The following RAP1A variants were observed in gnomAD, a reference collection of about 807,000 sequenced individuals.
The protein encoded by RAP1A is RAP1A, member of RAS oncogene family.
A neutral mutation model predicts 26.4 loss-of-function variants in RAP1A; 6 were observed. The ratio of observed to expected loss-of-function variants is 0.23; its 90% CI spans 0.12 to 0.45. RAP1A has a LOEUF of 0.45. RAP1A is among the 20% of genes least tolerant of loss of function. The probability of loss-of-function intolerance (pLI) is 0.99; values close to 1 mark genes in which losing one functional copy is unlikely to be tolerated. For synonymous variants in RAP1A, 73 were observed against 79.4 expected (o/e 0.92, Z 0.43); for missense variants, 121 against 217.2 (o/e 0.56, Z 2.78).
intron 1 of RAP1A, among the ~76,000 whole-genome samples, chr1:111,586,639 T>C (rs1397443032): frequency 3.3e-5 from 5 of 152,182 alleles, no homozygotes; most frequent in African/African-American, 1.2e-4. Context: ...GGTTTAGAAC[T>C]GATGAACTGA....
chr1:111,707,561 G>C (rs1195048865), intron 6 of RAP1A, among the ~76,000 whole-genome samples: 1 of 152,134 alleles, frequency 6.6e-6, no homozygotes, highest in East Asian at 1.9e-4. Flanking sequence ...CCTAAAAATT[G>C]ATGACACAGT....
At chr1:111,589,519 C>A (rs1424699259) in intron 1 of RAP1A, among the ~76,000 whole-genome samples, 1 of 152,268 alleles carries the variant, frequency 6.6e-6, no homozygotes, top group Admixed American at 6.5e-5. Flanking sequence ...CCTAAACACT[C>A]CCTGAAAATG....
intron 7 of RAP1A, among the ~76,000 whole-genome samples, chr1:111,711,074 C>G (rs926119282): frequency 7.9e-5 from 12 of 152,090 alleles, no homozygotes; most frequent in Non-Finnish European, 1.6e-4. Flanking sequence ...TCAGGTGATC[C>G]GATCCACCTG....
intron 1 of RAP1A, among the ~76,000 whole-genome samples, chr1:111,591,487 A>G (rs978506898): frequency 6.6e-6 from 1 of 152,142 alleles, no homozygotes; most frequent in Non-Finnish European, 1.5e-5. Flanking sequence ...TCTCTGCGTA[A>G]GTTTTGGAAT....
intron 1 of RAP1A, among the ~76,000 whole-genome samples, chr1:111,675,919 A>G (rs1661110852): frequency 6.6e-6 from 1 of 152,228 alleles, no homozygotes; most frequent in South Asian, 2.1e-4. Context: ...GGCAAAGAGA[A>G]AATGAGAATC....
At chr1:111,624,547 G>A (rs1446647789) in intron 1 of RAP1A, among the ~76,000 whole-genome samples, 1 of 152,130 alleles carries the variant, frequency 6.6e-6, no homozygotes, top group Non-Finnish European at 1.5e-5. Context: ...GATGAGTATT[G>A]AACCTATAAG....
At chr1:111,571,310 C>T (rs376539242) in intron 1 of RAP1A, among the ~76,000 whole-genome samples, 5 of 152,202 alleles carry the variant, frequency 3.3e-5, no homozygotes, top group Non-Finnish European at 7.3e-5. Context: ...TGTTCACCAG[C>T]CCAGAAGCTT....
At chr1:111,657,695 T>G (rs989724085) in intron 1 of RAP1A, among the ~76,000 whole-genome samples, 4 of 152,200 alleles carry the variant, frequency 2.6e-5, no homozygotes, top group Admixed American at 1.3e-4. Flanking sequence ...CTAGCACCAT[T>G]TATTGAAAAG....
At chr1:111,628,016 A>T (rs976208811) in intron 1 of RAP1A, among the ~76,000 whole-genome samples, 1 of 151,852 alleles carries the variant, frequency 6.6e-6, no homozygotes, top group Non-Finnish European at 1.5e-5. Context: ...TTTGCCACTT[A>T]CTAAGTACAT....
At chr1:111,653,027 GATAA>G (rs979745479) in intron 1 of RAP1A, among the ~76,000 whole-genome samples, 4 of 152,074 alleles carry the variant, frequency 2.6e-5, no homozygotes, top group Admixed American at 6.6e-5. Flanking sequence ...TCCATCAACT[GATAA>G]ATAAACAAAA....
At chr1:111,669,900 C>CAGAT (rs1237570416) in intron 1 of RAP1A, among the ~76,000 whole-genome samples, 2 of 152,172 alleles carry the variant, frequency 1.3e-5, no homozygotes, top group African/African-American at 4.8e-5. Context: ...AAGGACAACA[C>CAGAT]AGATCACTTT....
chr1:111,577,096 A>C (rs1360025167), intron 1 of RAP1A, among the ~76,000 whole-genome samples: 2 of 152,190 alleles, frequency 1.3e-5, no homozygotes, highest in East Asian at 3.9e-4. Context: ...TTGGAGGATG[A>C]ATTATGAAAC....
At chr1:111,636,604 C>T (rs754271579) in intron 1 of RAP1A, among the ~76,000 whole-genome samples, 21 of 151,820 alleles carry the variant, frequency 1.4e-4, no homozygotes, top group Non-Finnish European at 2.8e-4. Flanking sequence ...CTGCCTCAGC[C>T]TTCTGAGTAG....
At chr1:111,621,233 G>A (rs1659192487) in intron 1 of RAP1A, among the ~76,000 whole-genome samples, 1 of 152,172 alleles carries the variant, frequency 6.6e-6, no homozygotes, top group Admixed American at 6.5e-5. Context: ...CTGGAAACAG[G>A]ATTTGGAAAC....
intron 1 of RAP1A, among the ~76,000 whole-genome samples, chr1:111,660,774 A>G (rs1571539112): frequency 6.6e-6 from 1 of 152,196 alleles, no homozygotes; most frequent in Non-Finnish European, 1.5e-5. Flanking sequence ...TTAGCTCTCT[A>G]TTTAATATCT....
At chr1:111,571,766 G>A (rs1260333643) in intron 1 of RAP1A, among the ~76,000 whole-genome samples, 8 of 152,318 alleles carry the variant, frequency 5.3e-5, no homozygotes, top group South Asian at 2.1e-4. Context: ...GTTTGGGACA[G>A]GTCATTCTGC....
chr1:111,573,720 A>G (rs892071987), intron 1 of RAP1A, among the ~76,000 whole-genome samples: 5 of 152,146 alleles, frequency 3.3e-5, no homozygotes, highest in African/African-American at 1.2e-4. Context: ...GATCAGTGAT[A>G]TTTAGATTTT....
At position 111,715,459 on chromosome 1, in the gene RAP1A, G is replaced by T. The variant is rs531837311; in HGVS notation, c.*3058G>T. Reference sequence around the variant, plus strand: ...TGTGTGGTTCACAAAAAGGCATAGAGACATTCTCTCAAGAGTTTACAATCT... The same window carrying T: ...TGTGTGGTTCACAAAAAGGCATAGATACATTCTCTCAAGAGTTTACAATCT... On this transcript the variant is annotated 3_prime_UTR_variant, in exon 8 of 8. Transcript: ENST00000369709. 1.3e-5 allele frequency: 2 copies of T among 152,338 alleles called. No homozygotes were observed. Among genetic ancestry groups the T allele is most frequent in the African/African-American group, 4.8e-5 (2 of 41,568 alleles). 9.4% of individuals were successfully genotyped at this position (152,338 alleles called of 1,614,324 possible).
At chr1:111,657,057 A>G (rs905215230) in intron 1 of RAP1A, among the ~76,000 whole-genome samples, 1 of 150,178 alleles carries the variant, frequency 6.7e-6, no homozygotes, top group Non-Finnish European at 1.5e-5. Flanking sequence ...TGAATTTTTT[A>G]CTACAATAGG....
Sources: gnomAD v4.1 joint callset for allele counts (sites outside exome capture counted in the v4.1 genomes callset) on GRCh38, gnomAD v4.1.1 for gene constraint, MANE v1.5 for transcripts, NCBI Gene and HGNC (gene_info 2026-07-23, HGNC 2026-07-21) for gene names.